TMEM132D: variants seen among roughly 807,000 people sequenced by gnomAD.
TMEM132D encodes the protein transmembrane protein 132D, also known as mature OL transmembrane protein.
TMEM132D carries 21 observed loss-of-function variants against 62.3 expected under a neutral mutation model. The ratio of observed to expected loss-of-function variants is 0.34; its 90% CI spans 0.24 to 0.49. The LOEUF is 0.49. Among genes scored for constraint, TMEM132D ranks in the 20% least tolerant of loss-of-function variants. TMEM132D has a pLI of 0.99. For synonymous variants in TMEM132D, 621 were observed against 575.6 expected, an observed-to-expected ratio of 1.08 and a Z score of -1.13; for missense variants, 1,346 against 1,402.8, an observed-to-expected ratio of 0.96 and a Z score of 0.65.
chr12:129,090,248 A>G (rs1874863484), intron 5 of TMEM132D, among the ~76,000 whole-genome samples: 1 of 152,162 alleles, frequency 6.6e-6, no homozygotes, highest in Admixed American at 6.5e-5. Context: ...CTTTATTATC[A>G]TCTGTGGCCT....
chr12:129,263,336 G>A (rs753079609), intron 4 of TMEM132D, among the ~76,000 whole-genome samples: 2 of 152,112 alleles, frequency 1.3e-5, no homozygotes, highest in Non-Finnish European at 1.5e-5. Context: ...AAAGAACTTG[G>A]ACAATAAGGT....
chr12:129,442,114 A>C (rs1872954229), intron 3 of TMEM132D, among the ~76,000 whole-genome samples: 1 of 152,170 alleles, frequency 6.6e-6, no homozygotes, highest in African/African-American at 2.4e-5. Context: ...AAACCTACAC[A>C]TGTACCCCCG....
chr12:129,524,985 G>A (rs1875977176), intron 3 of TMEM132D, among the ~76,000 whole-genome samples: 1 of 129,876 alleles, frequency 7.7e-6, no homozygotes, highest in South Asian at 2.6e-4. Context: ...GAGTGCAGTG[G>A]CGCGATCTTG....
intron 4 of TMEM132D, among the ~76,000 whole-genome samples, chr12:129,322,540 C>T (rs532758279): frequency 2.9e-4 from 44 of 152,034 alleles, no homozygotes; most frequent in African/African-American, 1.0e-3. Context: ...AATCGTTTCT[C>T]GGTGGTTGAA....
chr12:129,545,598 C>T (rs1280912161), intron 2 of TMEM132D, among the ~76,000 whole-genome samples: 2 of 152,142 alleles, frequency 1.3e-5, no homozygotes, highest in Admixed American at 6.5e-5. Context: ...ACTTCATGCC[C>T]ATTGCACAGC....
At chr12:129,113,484 T>C (rs1189133331) in intron 5 of TMEM132D, among the ~76,000 whole-genome samples, 3 of 151,882 alleles carry the variant, frequency 2.0e-5, no homozygotes, top group Non-Finnish European at 4.4e-5. Context: ...GGAAACAAAA[T>C]GGAAACAAAA....
intron 4 of TMEM132D, among the ~76,000 whole-genome samples, chr12:129,253,868 A>T (rs4525307): frequency 2.0e-5 from 3 of 152,014 alleles, no homozygotes; most frequent in African/African-American, 7.3e-5. Context: ...ATACAGGCAC[A>T]GTAGCAAAAA....
intron 1 of TMEM132D, among the ~76,000 whole-genome samples, chr12:129,801,199 G>T (rs564919419): frequency 1.3e-5 from 2 of 152,210 alleles, no homozygotes; most frequent in Non-Finnish European, 2.9e-5. Context: ...AGCTCCAACT[G>T]GGTGGAGCCC....
At chr12:129,514,692 G>T (rs1875621584) in intron 3 of TMEM132D, among the ~76,000 whole-genome samples, 1 of 152,170 alleles carries the variant, frequency 6.6e-6, no homozygotes, top group Admixed American at 6.5e-5. Flanking sequence ...TACATTTGCT[G>T]AACAGGAGAG....
chr12:129,642,225 C>T (rs1384757396), intron 2 of TMEM132D, among the ~76,000 whole-genome samples: 1 of 152,188 alleles, frequency 6.6e-6, no homozygotes, highest in Non-Finnish European at 1.5e-5. Context: ...AATCGTTTAC[C>T]TTCCCAGCCA....
intron 5 of TMEM132D, among the ~76,000 whole-genome samples, chr12:129,121,939 T>C (rs1876078446): frequency 1.3e-5 from 2 of 152,108 alleles, no homozygotes; most frequent in Admixed American, 1.3e-4. Context: ...CTTTTGGCTT[T>C]AGGAAGTGGG....
intron 5 of TMEM132D, among the ~76,000 whole-genome samples, chr12:129,207,974 C>T (rs924194570): frequency 6.6e-6 from 1 of 152,088 alleles, no homozygotes; most frequent in African/African-American, 2.4e-5. Flanking sequence ...CTGTCATCAC[C>T]CAACTGATCT....
At chr12:129,135,609 G>A (rs1876534507) in intron 5 of TMEM132D, among the ~76,000 whole-genome samples, 1 of 152,168 alleles carries the variant, frequency 6.6e-6, no homozygotes, top group Admixed American at 6.5e-5. Context: ...GTTTCTTGCA[G>A]CTTCTGTAAC....
At chr12:129,219,343 C>T (rs1190258862) in intron 4 of TMEM132D, among the ~76,000 whole-genome samples, 1 of 152,178 alleles carries the variant, frequency 6.6e-6, no homozygotes, top group African/African-American at 2.4e-5. Context: ...CTTCCCCAGC[C>T]ATGTGGAACT....
chr12:129,507,197 TA>T (rs1220456826), intron 3 of TMEM132D, among the ~76,000 whole-genome samples: 2 of 151,794 alleles, frequency 1.3e-5, no homozygotes, highest in Non-Finnish European at 2.9e-5. Context: ...AATAAAAAAA[TA>T]AAAAATAAAT....
chr12:129,881,180 C>T (rs757668515), intron 1 of TMEM132D, among the ~76,000 whole-genome samples: 7 of 151,946 alleles, frequency 4.6e-5, no homozygotes, highest in Non-Finnish European at 1.0e-4. Context: ...GTATATGCAA[C>T]TAACGACAGA....
intron 3 of TMEM132D, among the ~76,000 whole-genome samples, chr12:129,476,281 T>C (rs751155660): frequency 2.6e-5 from 4 of 152,244 alleles, no homozygotes; most frequent in Non-Finnish European, 5.9e-5. Flanking sequence ...GCTATTGCCT[T>C]TGCTTGGAAA....
At chr12:129,547,971 C>T (rs1876785657) in intron 2 of TMEM132D, among the ~76,000 whole-genome samples, 1 of 152,076 alleles carries the variant, frequency 6.6e-6, no homozygotes, top group South Asian at 2.1e-4. Flanking sequence ...TCTCTGCTGG[C>T]AAATGTGACA....
chr12:129,241,150 CA>C (rs35152074), intron 4 of TMEM132D, among the ~76,000 whole-genome samples: 29,981 of 95,514 alleles, frequency 0.31, 2,980 homozygotes, highest in Admixed American at 0.38. Flanking sequence ...CCTCTTACCT[CA>C]AAAAAAAAAA....
Sources: gnomAD v4.1 joint callset for allele counts (sites outside exome capture counted in the v4.1 genomes callset) on GRCh38, gnomAD v4.1.1 for gene constraint, MANE v1.5 for transcripts, NCBI Gene and HGNC (gene_info 2026-07-23, HGNC 2026-07-21) for gene names.